Variants in RAB11FIP1 observed in about 807,000 individuals in gnomAD.
RAB11FIP1 encodes rab11 family-interacting protein 1.
RAB11FIP1 carries 49 observed loss-of-function variants against 83.1 expected under a neutral mutation model. That is an observed-to-expected ratio of 0.59 (90% CI 0.47 to 0.75). The LOEUF (loss-of-function observed/expected upper bound fraction) is 0.75, where lower values mean the gene tolerates loss of function less well. Ranked by LOEUF, RAB11FIP1 falls within the 30% of genes least tolerant of loss-of-function variation. RAB11FIP1 has a pLI of 0.00. For missense variants in RAB11FIP1, 1,536 were observed against 1,598.7 expected, an observed-to-expected ratio of 0.96 and a Z score of 0.67; for synonymous variants, 670 against 656.0, an observed-to-expected ratio of 1.02 and a Z score of -0.33.
In RAB11FIP1 at chr8:37,899,479, C is replaced by A; in HGVS notation, c.-38G>T. The stretch of plus-strand genomic sequence containing the variant: ...ACTCCAGAAGCGAGGAGAAGATCGC[C>A]GCGACTGGCGGCCTCCACGGCCCGC... On this transcript the variant is annotated 5_prime_UTR_variant, in exon 1 of 6. Coordinates refer to ENST00000330843, the MANE Select transcript of RAB11FIP1 (RefSeq NM_001002814.3). The surrounding 1 kb of genome is among the most constrained non-coding windows in gnomAD (Gnocchi z 4.5). 1 of 1,484,932 alleles carries A rather than the reference C, an allele frequency of 6.7e-7. No homozygotes were observed. Among genetic ancestry groups the A allele is most frequent in the Non-Finnish European group, 8.9e-7 (1 of 1,121,446 alleles). 92.0% of individuals were successfully genotyped at this position (1,484,932 alleles called of 1,614,324 possible). A position where few individuals can be genotyped will look rare whatever the true frequency, so the allele number is the denominator to read the frequency against.
At chr8:37,896,669 T>C (rs1342840382) in intron 1 of RAB11FIP1, among the ~76,000 whole-genome samples, 2 of 151,988 alleles carry the variant, frequency 1.3e-5, no homozygotes, top group African/African-American at 2.4e-5. Context: ...GAGCTCAAGG[T>C]TTCAATCTCT....
chr8:37,874,947 G>C lies in RAB11FIP1; in HGVS notation c.1190C>G (p.Ser397Cys). ...KDSLKSMTLPSYRPAPLVSGD... is the reference protein window; with the variant it reads ...KDSLKSMTLPCYRPAPLVSGD... ...ACTGACCAGTGGGGCAGGTCGGTAG[G>C]ACGGCAGGGTCATAGACTTCAAGGA... Residue 397 changes from serine to cysteine, a missense_variant, in exon 3 of 6, where the codon TCC becomes TGC. By Grantham distance (112) the Ser-to-Cys change is moderately radical. Coordinates refer to ENST00000330843, the MANE Select transcript of RAB11FIP1 (RefSeq NM_001002814.3). 7 of 1,614,164 alleles carry C rather than the reference G, an allele frequency of 4.3e-6. No individual in the cohort carries two copies. Among genetic ancestry groups the C allele is most frequent in the Non-Finnish European group, 5.9e-6 (7 of 1,180,032 alleles).
Position 37,877,152 on chromosome 8 carries a change from C to T in RAB11FIP1, c.771G>A (p.Trp257Ter), listed in dbSNP as rs1361277664. 6.2e-7 allele frequency: 1 copy of T among 1,614,106 alleles called. No homozygotes were observed. Reference sequence around the variant, plus strand: ...ACTCATCCTCATTGTCATCTTCATCCCACTGGGACTGAAAGTCTCCGGGAC... The same window carrying T: ...ACTCATCCTCATTGTCATCTTCATCTCACTGGGACTGAAAGTCTCCGGGAC... Reference protein sequence around the residue: ...LLRPGDFQSQWDEDDNEDESS... With the variant: ...LLRPGDFQSQ Residue 257 changes from tryptophan (W) to a stop codon, truncating the protein, a stop_gained, in exon 2 of 6, where the codon TGG becomes TGA. Transcript: ENST00000330843. LOFTEE classifies it high-confidence loss of function.
At chr8:37,896,421 G>A (rs1011252205) in intron 1 of RAB11FIP1, among the ~76,000 whole-genome samples, 1 of 152,058 alleles carries the variant, frequency 6.6e-6, no homozygotes, top group African/African-American at 2.4e-5. Flanking sequence ...GTCCCAGAAA[G>A]TTGTAGATGG....
chr8:37,882,364 C>T (rs1003334076), intron 1 of RAB11FIP1, among the ~76,000 whole-genome samples: 2 of 152,208 alleles, frequency 1.3e-5, no homozygotes, highest in Non-Finnish European at 2.9e-5. Context: ...CAGACCCAGA[C>T]TTGGGAGTGT....
intron 5 of RAB11FIP1, among the ~76,000 whole-genome samples, chr8:37,868,089 G>A (rs867716787): frequency 6.6e-6 from 1 of 152,016 alleles, no homozygotes; most frequent in Non-Finnish European, 1.5e-5. Context: ...GCCATTGCCC[G>A]CCAGCCTAGG....
In RAB11FIP1 at chr8:37,870,503, C is replaced by A. The variant is rs1382957044; in HGVS notation, c.3550G>T (p.Ala1184Ser). Residue 1184 changes from alanine (A) to serine (S), a missense_variant, in exon 5 of 6, where the codon GCA becomes TCA. By Grantham distance (99) the Ala-to-Ser change is moderately conservative (BLOSUM62 1). Transcript: ENST00000330843. The part of the protein sequence containing the change: ...HRLHPVKPMN[A>S]MATKVANCSL... ...CAGTTAGCAACCTTGGTGGCCATTG[C>A]ATTCATTGGCTTCACAGGATGAAGT... 1.9e-6 allele frequency: 3 copies of A among 1,594,652 alleles called. No homozygotes were observed. The highest frequency in any genetic ancestry group is 2.6e-6 in the Non-Finnish European group (3 of 1,163,026).
intron 1 of RAB11FIP1, among the ~76,000 whole-genome samples, chr8:37,896,362 G>C (rs200803366): frequency 6.6e-6 from 1 of 151,850 alleles, no homozygotes; most frequent in Non-Finnish European, 1.5e-5. Flanking sequence ...TTAAATCTCA[G>C]CTATCTTGGG....
At chr8:37,895,008 T>C (rs1009021782) in intron 1 of RAB11FIP1, among the ~76,000 whole-genome samples, 185 of 147,806 alleles carry the variant, frequency 1.3e-3, no homozygotes, top group Middle Eastern at 3.5e-3. Flanking sequence ...TCCACCCACC[T>C]TGGCCTCCTA....
At chr8:37,897,998 G>A (rs189184872) in intron 1 of RAB11FIP1, among the ~76,000 whole-genome samples, 7 of 152,300 alleles carry the variant, frequency 4.6e-5, no homozygotes, top group Admixed American at 3.3e-4. Context: ...CATGCCTCCT[G>A]TTCCTCTGCC....
At chr8:37,883,287 C>T (rs756167019) in intron 1 of RAB11FIP1, among the ~76,000 whole-genome samples, 1 of 152,074 alleles carries the variant, frequency 6.6e-6, no homozygotes, top group Non-Finnish European at 1.5e-5. Context: ...CAACCTCCTC[C>T]TCCTGGGTTC....
intron 1 of RAB11FIP1, among the ~76,000 whole-genome samples, chr8:37,883,606 C>T (rs901400020): frequency 6.6e-6 from 1 of 152,196 alleles, no homozygotes; most frequent in Non-Finnish European, 1.5e-5. Context: ...AAATCCCAAA[C>T]CAGAAGAACA....
chr8:37,880,575 T>A (rs1262752875), intron 1 of RAB11FIP1, among the ~76,000 whole-genome samples: 2 of 152,060 alleles, frequency 1.3e-5, no homozygotes, highest in Non-Finnish European at 2.9e-5. Context: ...ATTACAGGCA[T>A]AAGCCACCAA....
In RAB11FIP1 at chr8:37,895,259, A is replaced by ATTTTTT. The variant is rs71216637; in HGVS notation, c.371+3806_371+3811dup. 2.7e-4 allele frequency among the ~76,000 whole-genome samples: 2 copies of ATTTTTT among 7,390 alleles called. 1 individual carries two copies. The highest frequency in any genetic ancestry group is 4.3e-4 in the Non-Finnish European group (2 of 4,698). The allele number at this position is 7,390 out of a possible 152,430, so 4.8% of individuals were successfully genotyped here. A position where few individuals can be genotyped will look rare whatever the true frequency, so the allele number is the denominator to read the frequency against. On this transcript the variant is annotated intron_variant, in intron 1 of 5. Transcript: ENST00000330843. ...TATATATATATATATATATATATAT[A>ATTTTTT]TTTTTTTTTTTTTTTTTTTTTTTTT...
Position 37,899,279 on chromosome 8 carries a change from A to G in RAB11FIP1, c.163T>C (p.Ser55Pro). ...IQVGKEKYAT[S>P]VSERSLGAPV... ...GCGCCCAGGCTGCGCTCCGACACGG[A>G]GGTGGCGTACTTCTCCTTGCCCACC... Residue 55 changes from serine to proline, a missense_variant, in exon 1 of 6, where the codon TCC (serine) becomes CCC (proline). Coordinates refer to ENST00000330843, the MANE Select transcript of RAB11FIP1 (RefSeq NM_001002814.3). The surrounding 1 kb of genome is among the most constrained non-coding windows in gnomAD (Gnocchi z 4.5). 1.9e-6 allele frequency: 3 copies of G among 1,608,410 alleles called. No homozygotes were observed. Among genetic ancestry groups the G allele is most frequent in the Non-Finnish European group, 1.7e-6 (2 of 1,178,662 alleles).
chr8:37,884,007 T>A (rs1188610361), intron 1 of RAB11FIP1, among the ~76,000 whole-genome samples: 4 of 152,168 alleles, frequency 2.6e-5, no homozygotes, highest in Non-Finnish European at 2.9e-5. Context: ...CTGCAAGAAT[T>A]AAAAGGATCT....
At chr8:37,875,399 C>T in intron 2 of RAB11FIP1, 77 bp from the exon 3 acceptor site, 1 of 1,085,264 alleles carries the variant, frequency 9.2e-7, no homozygotes, top group South Asian at 1.4e-5. Context: ...CTGTCAACGT[C>T]TGGATACATT....
intron 1 of RAB11FIP1, chr8:37,878,075 AT>A (rs1437043098): frequency 6.6e-6 from 1 of 152,282 alleles, no homozygotes; most frequent in East Asian, 1.9e-4. Flanking sequence ...TTGCACTTTT[AT>A]TTTTGAGAAG....
chr8:37,872,488 C>G lies in RAB11FIP1; in HGVS notation c.2314G>C (p.Ala772Pro), dbSNP rs1261934600. 6.2e-7 allele frequency: 1 copy of G among 1,613,982 alleles called. No homozygotes were observed. Among genetic ancestry groups the G allele is most frequent in the Non-Finnish European group, 8.5e-7 (1 of 1,180,022 alleles). Residue 772 changes from alanine to proline, a missense_variant, in exon 4 of 6, where the codon GCG (alanine) becomes CCG (proline). Transcript: ENST00000330843. The stretch of plus-strand genomic sequence containing the variant: ...GATGCTCCCATGGGAAGAGGGGGCG[C>G]CACTTCTTCAGCTGCATCCCTGGCT... ...SKARDAAEEV[A>P]PPLPMGASVP...
Sources: allele counts gnomAD v4.1 joint callset (sites outside exome capture counted in the v4.1 genomes callset), GRCh38; gene constraint gnomAD v4.1.1; non-coding constraint Gnocchi (gnomAD v3.1); transcripts MANE v1.5; gene names NCBI Gene and HGNC (gene_info 2026-07-23, HGNC 2026-07-21).